The following NUDCD1 variants were observed in gnomAD, a reference collection of about 807,000 sequenced individuals.
The protein encoded by NUDCD1 is NudC domain containing 1.
Under a neutral mutation model 67.8 loss-of-function variants are expected in NUDCD1, and 60 were observed. That is an observed-to-expected ratio of 0.88 (90% CI 0.72 to 1.10). The LOEUF is 1.10. NUDCD1 is among the 50% of genes least tolerant of loss of function. NUDCD1 has a pLI of 0.00. For synonymous variants in NUDCD1, 244 were observed against 230.8 expected (o/e 1.06, Z -0.52); for missense variants, 643 against 695.0 (o/e 0.93, Z 0.84).
intron 7 of NUDCD1, among the ~76,000 whole-genome samples, chr8:109,274,733 A>G (rs1464112189): frequency 6.6e-6 from 1 of 152,130 alleles, no homozygotes; most frequent in African/African-American, 2.4e-5. Context: ...CAAGATGGCA[A>G]TAAACCAGAC....
At chr8:109,306,395 C>T (rs1365794150) in intron 2 of NUDCD1, among the ~76,000 whole-genome samples, 1 of 152,162 alleles carries the variant, frequency 6.6e-6, no homozygotes, top group Non-Finnish European at 1.5e-5. Flanking sequence ...CTCACTCTCT[C>T]CTAGCCGTTT....
Position 109,280,948 on chromosome 8 carries a change from G to T in NUDCD1, c.1028+20C>A, listed in dbSNP as rs771095069. The T allele has an allele frequency of 1.1e-5, 13 of 1,181,940 alleles. No individual in the cohort carries two copies. The highest frequency in any genetic ancestry group is 1.6e-5 in the South Asian group (1 of 63,176). 73.2% of individuals were successfully genotyped at this position (1,181,940 alleles called of 1,614,324 possible). A position where few individuals can be genotyped will look rare whatever the true frequency, so the allele number is the denominator to read the frequency against. On this transcript the variant is annotated intron_variant, in intron 6 of 9. Transcript: ENST00000239690. ...GAAAAAAAGATAATAGAATATTAAA[G>T]TAAAATTAAAAAAAAATACCTATTA... is the stretch of plus-strand genomic sequence containing the variant.
At chr8:109,329,674 G>C (rs745558290) in intron 1 of NUDCD1, 34 of 744,306 alleles carry the variant, frequency 4.6e-5, no homozygotes, top group Admixed American at 6.2e-5. Context: ...TATCTTGATT[G>C]TGGTGATGAT....
chr8:109,305,175 G>T (rs1350492336), intron 2 of NUDCD1, among the ~76,000 whole-genome samples: 1 of 152,060 alleles, frequency 6.6e-6, no homozygotes, highest in Non-Finnish European at 1.5e-5. Context: ...TCTCTGCCCC[G>T]GACTGGCAAA....
intron 8 of NUDCD1, among the ~76,000 whole-genome samples, chr8:109,263,987 A>G (rs1213376699): frequency 3.3e-5 from 5 of 152,214 alleles, no homozygotes; most frequent in African/African-American, 1.2e-4. Flanking sequence ...TCCTTGAGAA[A>G]GAAGTCAAAA....
chr8:109,270,747 C>A (rs969376318), intron 8 of NUDCD1, among the ~76,000 whole-genome samples: 6 of 151,334 alleles, frequency 4.0e-5, no homozygotes, highest in African/African-American at 1.5e-4. Context: ...AGTTATTATA[C>A]ATTACAGGGT....
In NUDCD1 at chr8:109,270,990, A is replaced by G. The variant is rs1405128598; in HGVS notation, c.1299+15T>C. ...TACTGACAAAATTTTAGAAATATTA[A>G]TATCAGTAACTTACCACATGAGTAG... On this transcript the variant is annotated intron_variant, in intron 8 of 9. Coordinates refer to ENST00000239690, the MANE Select transcript of NUDCD1 (RefSeq NM_032869.4). The G allele has an allele frequency of 3.3e-6, 5 of 1,530,708 alleles. No individual in the cohort carries two copies. Among genetic ancestry groups the G allele is most frequent in the South Asian group, 1.2e-5 (1 of 81,876 alleles). 94.8% of individuals were successfully genotyped at this position (1,530,708 alleles called of 1,614,324 possible). A position where few individuals can be genotyped will look rare whatever the true frequency, so the allele number is the denominator to read the frequency against.
intron 8 of NUDCD1, among the ~76,000 whole-genome samples, chr8:109,264,916 GTTA>G (rs939488836): frequency 4.0e-5 from 6 of 150,504 alleles, no homozygotes; most frequent in South Asian, 2.1e-4. Flanking sequence ...ATGTTAATAG[GTTA>G]TTATTTTAAA....
At chr8:109,291,670 A>G (rs927889133) in intron 4 of NUDCD1, among the ~76,000 whole-genome samples, 1 of 152,322 alleles carries the variant, frequency 6.6e-6, no homozygotes, top group Non-Finnish European at 1.5e-5. Flanking sequence ...ATATAAAAGA[A>G]AGATAAAGGG....
At chr8:109,320,849 C>T (rs973495112) in intron 2 of NUDCD1, among the ~76,000 whole-genome samples, 1 of 152,146 alleles carries the variant, frequency 6.6e-6, no homozygotes, top group Non-Finnish European at 1.5e-5. Flanking sequence ...TTTGGGGTCC[C>T]TGACTTCCCG....
rs1813675495 is a variant in NUDCD1, at chr8:109,253,986, G to A, written c.1300-8505C>T. ...TACAAGATGTTCAGAAGGTTCCTGA[G>A]TCAAGAACAGGTGCCACAAAACCCA... On this transcript the variant is annotated intron_variant, in intron 8 of 9. Coordinates refer to ENST00000239690, the MANE Select transcript of NUDCD1 (RefSeq NM_032869.4). Among the ~76,000 whole-genome samples the A allele has an allele frequency of 2.6e-5, 4 of 152,150 alleles. No individual in the cohort carries two copies. In the South Asian group the frequency reaches 8.3e-4, roughly 32 times the overall value.
intron 5 of NUDCD1, among the ~76,000 whole-genome samples, chr8:109,286,821 T>C (rs1814584374): frequency 6.6e-6 from 1 of 151,984 alleles, no homozygotes; most frequent in South Asian, 2.1e-4. Flanking sequence ...CAAAAGAAAC[T>C]ATGAGTAAAC....
chr8:109,311,572 T>TATATATATATA (rs1554617143), intron 2 of NUDCD1, among the ~76,000 whole-genome samples: 9 of 145,336 alleles, frequency 6.2e-5, no homozygotes, highest in African/African-American at 1.6e-4. Context: ...TATATATATA[T>TATATATATATA]GATGGGATAC....
chr8:109,285,168 T>TA (rs971098351), intron 5 of NUDCD1, among the ~76,000 whole-genome samples: 5 of 151,740 alleles, frequency 3.3e-5, no homozygotes, highest in African/African-American at 9.7e-5. Flanking sequence ...CAATCAGTAA[T>TA]AAAAAAATCT....
intron 1 of NUDCD1, among the ~76,000 whole-genome samples, chr8:109,329,111 T>C (rs1198470161): frequency 6.6e-6 from 1 of 151,094 alleles, no homozygotes; most frequent in Non-Finnish European, 1.5e-5. Context: ...CAGATGGGAT[T>C]AACAAGAGAC....
rs1814842231 is a variant in NUDCD1, at chr8:109,296,382, A to G, written c.459+2T>C. 6.2e-7 allele frequency: 1 copy of G among 1,611,810 alleles called. No homozygotes were observed. Among genetic ancestry groups the G allele is most frequent in the African/African-American group, 1.3e-5 (1 of 74,832 alleles). ...TCGCATAAGTCTTAAACAAACCCTC[A>G]CCTCCCATTTTTCAGAAGCGCTATT... On this transcript the variant is annotated splice_donor_variant, in intron 3 of 9. Coordinates refer to ENST00000239690, the MANE Select transcript of NUDCD1 (RefSeq NM_032869.4). LOFTEE classifies it high-confidence loss of function.
chr8:109,243,464 ACAAT>A (rs1290361118), intron 9 of NUDCD1, among the ~76,000 whole-genome samples, 163 bp from the exon 10 acceptor site: 1 of 152,216 alleles, frequency 6.6e-6, no homozygotes, highest in African/African-American at 2.4e-5. Flanking sequence ...ACGATTAGCC[ACAAT>A]CAGTCTCTCC....
At chr8:109,247,643 C>CCATACCTTTGA (rs1228486299) in intron 8 of NUDCD1, among the ~76,000 whole-genome samples, 1 of 152,106 alleles carries the variant, frequency 6.6e-6, no homozygotes, top group African/African-American at 2.4e-5. Context: ...CTTGTCTTTG[C>CCATACCTTTGA]CATACCTTTG....
intron 8 of NUDCD1, among the ~76,000 whole-genome samples, chr8:109,248,714 GA>G (rs78072773): frequency 0.11 from 10,843 of 99,896 alleles, 510 homozygotes; most frequent in South Asian, 0.28. Context: ...CCACTGTTTG[GA>G]AAAAAAAAAA....
Sources: gnomAD v4.1 joint callset for allele counts (sites outside exome capture counted in the v4.1 genomes callset) on GRCh38, gnomAD v4.1.1 for gene constraint, MANE v1.5 for transcripts, NCBI Gene and HGNC (gene_info 2026-07-23, HGNC 2026-07-21) for gene names.